The following P4HA1 variants were observed in gnomAD, a reference collection of about 807,000 sequenced individuals.
The protein encoded by P4HA1 is prolyl 4-hydroxylase subunit alpha-1.
A neutral mutation model predicts 72.8 loss-of-function variants in P4HA1; 24 were observed. That is an observed-to-expected ratio of 0.33 (90% CI 0.24 to 0.46). The LOEUF (loss-of-function observed/expected upper bound fraction) is 0.46, where lower values mean the gene tolerates loss of function less well. P4HA1 is among the 20% of genes least tolerant of loss of function. P4HA1 has a pLI of 1.00. For missense variants in P4HA1, 446 were observed against 640.6 expected, an observed-to-expected ratio of 0.70 and a Z score of 3.28; for synonymous variants, 201 against 218.8, an observed-to-expected ratio of 0.92 and a Z score of 0.72.
At chr10:73,071,003 A>C (rs1027298512) in intron 4 of P4HA1, among the ~76,000 whole-genome samples, 3 of 151,992 alleles carry the variant, frequency 2.0e-5, no homozygotes, top group African/African-American at 7.2e-5. Flanking sequence ...GCAACATAGC[A>C]AGACCTTGTT....
Position 73,076,189 on chromosome 10 carries a change from A to T in P4HA1, c.-32-1274T>A, listed in dbSNP as rs1340172069. On this transcript the variant is annotated intron_variant, in intron 1 of 14. Coordinates refer to ENST00000394890, the MANE Select transcript of P4HA1 (RefSeq NM_001017962.3). The stretch of plus-strand genomic sequence containing the variant: ...ATACTAAATGGGTGAATTATAAGGT[A>T]TATGAATTATATTGCAATGACACTG... Among the ~76,000 whole-genome samples, 3 of 152,312 alleles carry T rather than the reference A, an allele frequency of 2.0e-5. No individual in the cohort carries two copies. The East Asian group carries it at 5.8e-4, about 29-fold the overall frequency.
At chr10:73,076,470 T>G (rs191918842) in intron 1 of P4HA1, among the ~76,000 whole-genome samples, 2 of 152,240 alleles carry the variant, frequency 1.3e-5, no homozygotes, top group South Asian at 2.1e-4. Flanking sequence ...GTTTCTCTTA[T>G]CAACTGTGTT....
rs772226209 is a variant in P4HA1, at chr10:73,053,580, G to A, written c.474C>T (p.His158=). The A allele has an allele frequency of 6.2e-7, 1 of 1,613,572 alleles. No homozygotes were observed. Among genetic ancestry groups the A allele is most frequent in the Non-Finnish European group, 8.5e-7 (1 of 1,179,806 alleles). The change falls in exon 6 of 15, where the codon CAC becomes CAT. Residue 158 remains histidine (H), a synonymous_variant. Coordinates refer to ENST00000394890, the MANE Select transcript of P4HA1 (RefSeq NM_001017962.3). ...ISKGNLPGVK[H]KSFLTAEDCF... is the part of the protein sequence containing the mutation. ...AGTCCTCAGCCGTTAGAAAAGATTT[G>A]TGTTTCACTCCTATGAAAAGAAAAT...
chr10:73,056,593 T>C (rs959195190), intron 5 of P4HA1, among the ~76,000 whole-genome samples: 1 of 150,800 alleles, frequency 6.6e-6, no homozygotes, highest in African/African-American at 2.4e-5. Context: ...GATCACGCCA[T>C]TGCGGTCCAG....
intron 1 of P4HA1, among the ~76,000 whole-genome samples, chr10:73,075,628 C>T (rs1329889966): frequency 6.6e-6 from 1 of 151,942 alleles, no homozygotes; most frequent in African/African-American, 2.4e-5. Flanking sequence ...ATTACCAATA[C>T]ATTTTCAAAA....
At chr10:73,088,308 T>C (rs1044408230) in intron 1 of P4HA1, among the ~76,000 whole-genome samples, 3 of 152,184 alleles carry the variant, frequency 2.0e-5, no homozygotes, top group African/African-American at 7.2e-5. Flanking sequence ...CACACCTCTC[T>C]CCCTTTTGTC....
intron 9 of P4HA1, among the ~76,000 whole-genome samples, chr10:73,040,757 C>T (rs551059927): frequency 3.0e-4 from 46 of 152,232 alleles, no homozygotes; most frequent in African/African-American, 1.1e-3. Context: ...CAGGCGTGAG[C>T]CACCACTCCT....
intron 5 of P4HA1, among the ~76,000 whole-genome samples, chr10:73,061,720 G>A (rs1411062978): frequency 6.6e-6 from 1 of 150,984 alleles, no homozygotes; most frequent in African/African-American, 2.4e-5. Flanking sequence ...GAGCTATAAT[G>A]GTACCACTGC....
At chr10:73,067,563 A>G (rs529098208) in intron 5 of P4HA1, among the ~76,000 whole-genome samples, 1 of 152,246 alleles carries the variant, frequency 6.6e-6, no homozygotes, top group South Asian at 2.1e-4. Context: ...TCACCTCTTG[A>G]ACTCTACATT....
intron 9 of P4HA1, among the ~76,000 whole-genome samples, chr10:73,039,019 G>A (rs78107403): frequency 0.16 from 24,238 of 152,082 alleles, 3,214 homozygotes; most frequent in African/African-American, 0.34. Context: ...TTGGCTGGAT[G>A]CAATGGCTCG....
At chr10:73,032,589 C>T (rs536675289) in intron 9 of P4HA1, among the ~76,000 whole-genome samples, 12 of 152,210 alleles carry the variant, frequency 7.9e-5, no homozygotes, top group Non-Finnish European at 1.3e-4. Flanking sequence ...TCCTCAAGAA[C>T]GTATTTCCTC....
intron 1 of P4HA1, among the ~76,000 whole-genome samples, chr10:73,080,116 CTGT>C (rs1324658038): frequency 6.6e-6 from 1 of 152,206 alleles, no homozygotes; most frequent in Non-Finnish European, 1.5e-5. Flanking sequence ...TGCTTTGAAT[CTGT>C]AAGCTACTAC....
intron 5 of P4HA1, among the ~76,000 whole-genome samples, chr10:73,054,488 C>T (rs1437959788): frequency 6.6e-6 from 1 of 152,182 alleles, no homozygotes; most frequent in East Asian, 1.9e-4. Flanking sequence ...CCACCTTGCC[C>T]CAGCCCTAGA....
intron 3 of P4HA1, 25 bp downstream of exon 3, chr10:73,073,706 C>T: frequency 9.8e-7 from 1 of 1,023,280 alleles, no homozygotes; most frequent in Non-Finnish European, 1.6e-6. Context: ...GAGTCAGAGT[C>T]ATAATAAGCA....
chr10:73,080,015 T>A (rs1319704891), intron 1 of P4HA1, among the ~76,000 whole-genome samples: 3 of 152,168 alleles, frequency 2.0e-5, no homozygotes, highest in Non-Finnish European at 4.4e-5. Context: ...CCTGTGACCA[T>A]CTTTCTCACT....
chr10:73,047,184 AATC>A (rs1840886011), intron 7 of P4HA1, 83 bp from the exon 8 acceptor site: 1 of 988,366 alleles, frequency 1.0e-6, no homozygotes, highest in African/African-American at 1.7e-5. Context: ...AAGAGACAAT[AATC>A]ATGCTTGCAT....
At chr10:73,033,735 T>C (rs575200003) in intron 9 of P4HA1, among the ~76,000 whole-genome samples, 2 of 152,316 alleles carry the variant, frequency 1.3e-5, no homozygotes, top group Middle Eastern at 6.8e-3. Flanking sequence ...TTACTCAAGA[T>C]GGATCAAAGA....
chr10:73,092,351 T>TC (rs1564640283), intron 1 of P4HA1, among the ~76,000 whole-genome samples: 1 of 145,062 alleles, frequency 6.9e-6, no homozygotes, highest in African/African-American at 2.6e-5. Flanking sequence ...CTTTTCTTTT[T>TC]TTTTTTTTTT....
At chr10:73,041,547 C>CAAAAAAAA (rs1330460920) in intron 9 of P4HA1, among the ~76,000 whole-genome samples, 1 of 146,616 alleles carries the variant, frequency 6.8e-6, no homozygotes. Flanking sequence ...CATCCCCCCC[C>CAAAAAAAA]CAAAAAAAAA....
Sources: gnomAD v4.1 joint callset for allele counts (sites outside exome capture counted in the v4.1 genomes callset) on GRCh38, gnomAD v4.1.1 for gene constraint, MANE v1.5 for transcripts, NCBI Gene and HGNC (gene_info 2026-07-23, HGNC 2026-07-21) for gene names.